Variants in CTNND2 observed in about 807,000 individuals in gnomAD.
CTNND2 encodes the protein catenin delta 2.
In CTNND2, 22 loss-of-function variants were observed where a neutral mutation model predicts 144.4. The observed-to-expected ratio is 0.15, with a 90% CI of 0.11 to 0.22. The LOEUF (loss-of-function observed/expected upper bound fraction) is 0.22, where lower values mean the gene tolerates loss of function less well. CTNND2 is among the 10% of genes least tolerant of loss of function. CTNND2 has a pLI of 1.00. For missense variants in CTNND2, 1,353 were observed against 1,618.8 expected (o/e 0.84, Z 2.82); for synonymous variants, 751 against 695.6 (o/e 1.08, Z -1.25).
intron 1 of CTNND2, among the ~76,000 whole-genome samples, chr5:11,771,603 CTTT>C (rs1278850741): frequency 6.6e-6 from 1 of 152,100 alleles, no homozygotes; most frequent in Non-Finnish European, 1.5e-5. Context: ...ATGTAGTCTT[CTTT>C]ATCATTGTAG....
intron 3 of CTNND2, among the ~76,000 whole-genome samples, chr5:11,433,686 A>T (rs1353793912): frequency 6.6e-6 from 1 of 152,190 alleles, no homozygotes; most frequent in Non-Finnish European, 1.5e-5. Context: ...TCTTCTGTGA[A>T]CGAAGAGTGA....
chr5:11,123,448 C>T (rs1025710274), intron 12 of CTNND2, among the ~76,000 whole-genome samples: 9 of 152,206 alleles, frequency 5.9e-5, no homozygotes, highest in African/African-American at 2.2e-4. Flanking sequence ...TGGGTAGAGG[C>T]AGCCAGGGCT....
Position 10,973,858 on chromosome 5 carries a change from C to T in CTNND2, c.3418-145G>A, listed in dbSNP as rs553179474. On this transcript the variant is annotated intron_variant, in intron 21 of 21. Transcript: ENST00000304623. The surrounding 1 kb of genome is among the most constrained non-coding windows in gnomAD (Gnocchi z 5.6). Reference sequence around the variant, plus strand: ...TGTGGCCCTGCTTCTCCAAAACTGCCAACTGTCATTGGCTTTCCTTTTGAA... The same window carrying T: ...TGTGGCCCTGCTTCTCCAAAACTGCTAACTGTCATTGGCTTTCCTTTTGAA... 3 of 885,104 alleles carry T rather than the reference C, an allele frequency of 3.4e-6. No homozygotes were observed. In the Admixed American group the frequency reaches 1.0e-4, roughly 30 times the overall value. 54.8% of individuals were successfully genotyped at this position (885,104 alleles called of 1,614,324 possible).
intron 12 of CTNND2, among the ~76,000 whole-genome samples, chr5:11,133,418 T>A (rs1755811351): frequency 6.6e-6 from 1 of 152,180 alleles, no homozygotes; most frequent in Non-Finnish European, 1.5e-5. Flanking sequence ...AATGATGCGA[T>A]CTTGGCTCAC....
chr5:11,210,098 T>C (rs542115592), intron 10 of CTNND2, among the ~76,000 whole-genome samples: 3 of 152,262 alleles, frequency 2.0e-5, no homozygotes, highest in South Asian at 2.1e-4. Context: ...GGTAGTTTTA[T>C]AGAGATAATT....
At chr5:11,252,255 G>C (rs1347894198) in intron 9 of CTNND2, among the ~76,000 whole-genome samples, 1 of 152,162 alleles carries the variant, frequency 6.6e-6, no homozygotes, top group East Asian at 1.9e-4. Flanking sequence ...AAATCAATGA[G>C]AGACTTGACA....
chr5:11,513,590 A>G (rs2150028610), intron 3 of CTNND2, among the ~76,000 whole-genome samples: 1 of 152,354 alleles, frequency 6.6e-6, no homozygotes, highest in South Asian at 2.1e-4. Context: ...ACAGAAAAAT[A>G]GAAGATGGGC....
chr5:11,590,798 C>T (rs1199519396), intron 2 of CTNND2, among the ~76,000 whole-genome samples: 1 of 152,228 alleles, frequency 6.6e-6, no homozygotes, highest in African/African-American at 2.4e-5. Flanking sequence ...CACCACCTAT[C>T]CCAAACCTAT....
chr5:11,121,899 T>A (rs1754181298), intron 12 of CTNND2, among the ~76,000 whole-genome samples: 1 of 152,238 alleles, frequency 6.6e-6, no homozygotes, highest in South Asian at 2.1e-4. Context: ...CACTCTTAGC[T>A]CTTTGAACCT....
At chr5:11,795,316 G>T (rs1471702154) in intron 1 of CTNND2, among the ~76,000 whole-genome samples, 3 of 152,200 alleles carry the variant, frequency 2.0e-5, no homozygotes, top group African/African-American at 7.2e-5. Context: ...GAGCAAACTA[G>T]CAGGTGAGGA....
At chr5:11,611,474 G>A (rs1334867159) in intron 2 of CTNND2, among the ~76,000 whole-genome samples, 1 of 152,160 alleles carries the variant, frequency 6.6e-6, no homozygotes, top group Non-Finnish European at 1.5e-5. Flanking sequence ...TTATCAGGAT[G>A]CAATGACAAA....
chr5:11,599,130 A>T (rs772219409), intron 2 of CTNND2, among the ~76,000 whole-genome samples: 2 of 152,114 alleles, frequency 1.3e-5, no homozygotes, highest in Non-Finnish European at 2.9e-5. Flanking sequence ...CACCCCCATG[A>T]TCCAGTCATC....
At chr5:11,422,798 T>C (rs916104140) in intron 3 of CTNND2, among the ~76,000 whole-genome samples, 4 of 152,190 alleles carry the variant, frequency 2.6e-5, no homozygotes, top group African/African-American at 9.7e-5. Flanking sequence ...TTTTTCTTCT[T>C]CAAATTCTTT....
At position 11,461,827 on chromosome 5, in the gene CTNND2, T is replaced by A. The variant is rs142765316; in HGVS notation, c.288-49758A>T. ...TTAGAAAGAAATAAGGATTGAGACA[T>A]TGATTCTCAGAGATACTGTGCAGCA... On this transcript the variant is annotated intron_variant, in intron 3 of 21. Coordinates refer to ENST00000304623, the MANE Select transcript of CTNND2 (RefSeq NM_001332.4). Among the ~76,000 whole-genome samples the A allele has an allele frequency of 3.3e-5, 5 of 152,302 alleles. No individual in the cohort carries two copies. The East Asian group carries it at 9.7e-4, about 29-fold the overall frequency.
intron 3 of CTNND2, among the ~76,000 whole-genome samples, chr5:11,481,371 C>G (rs1444286127): frequency 3.9e-5 from 6 of 152,190 alleles, no homozygotes; most frequent in African/African-American, 1.4e-4. Flanking sequence ...CTGGCTCTAT[C>G]AGCCAGCATT....
chr5:11,545,078 C>A (rs552386277), intron 3 of CTNND2, among the ~76,000 whole-genome samples: 2 of 146,008 alleles, frequency 1.4e-5, no homozygotes, highest in Non-Finnish European at 3.0e-5. Context: ...GCCAAGATCA[C>A]GCCACTGCAC....
chr5:11,284,083 T>C (rs1264621017), intron 9 of CTNND2, among the ~76,000 whole-genome samples: 3 of 152,120 alleles, frequency 2.0e-5, no homozygotes, highest in Admixed American at 6.5e-5. Flanking sequence ...TGGTGTGGGC[T>C]TCACGCTCCT....
At chr5:11,388,300 A>C (rs1406839613) in intron 6 of CTNND2, among the ~76,000 whole-genome samples, 3 of 152,240 alleles carry the variant, frequency 2.0e-5, no homozygotes, top group Non-Finnish European at 4.4e-5. Flanking sequence ...CTGGTGTGTT[A>C]CCAGCAATGC....
At chr5:11,554,550 T>C (rs1776050966) in intron 3 of CTNND2, among the ~76,000 whole-genome samples, 1 of 152,038 alleles carries the variant, frequency 6.6e-6, no homozygotes, top group Non-Finnish European at 1.5e-5. Flanking sequence ...ATAAAAACAA[T>C]AAGACTTTAA....
Sources: allele counts gnomAD v4.1 joint callset (sites outside exome capture counted in the v4.1 genomes callset), GRCh38; gene constraint gnomAD v4.1.1; non-coding constraint Gnocchi (gnomAD v3.1); transcripts MANE v1.5; gene names NCBI Gene and HGNC (gene_info 2026-07-23, HGNC 2026-07-21).